Variants in IMPG1 observed in about 807,000 individuals in gnomAD.
The protein encoded by IMPG1 is interphotoreceptor matrix proteoglycan 1.
Under a neutral mutation model 92.0 loss-of-function variants are expected in IMPG1, and 85 were observed. The ratio of observed to expected loss-of-function variants is 0.92; its 90% CI spans 0.78 to 1.11. IMPG1 has a LOEUF of 1.11. Among genes scored for constraint, IMPG1 ranks in the 50% least tolerant of loss-of-function variants. The pLI, the probability that IMPG1 is intolerant of heterozygous loss-of-function variation, is 0.00. For synonymous variants in IMPG1, 367 were observed against 334.1 expected, an observed-to-expected ratio of 1.10 and a Z score of -1.08; for missense variants, 1,022 against 956.0, an observed-to-expected ratio of 1.07 and a Z score of -0.91.
chr6:75,972,641 T>C (rs1782442749), intron 12 of IMPG1, among the ~76,000 whole-genome samples: 1 of 152,220 alleles, frequency 6.6e-6, no homozygotes, highest in African/African-American at 2.4e-5. Flanking sequence ...TTTAATAGTC[T>C]GAATAAAACT....
chr6:76,056,848 C>A (rs1457245868), intron 1 of IMPG1, among the ~76,000 whole-genome samples: 6 of 151,976 alleles, frequency 3.9e-5, no homozygotes, highest in Admixed American at 3.9e-4. Context: ...GTCCTTTGCC[C>A]ATTTAAAAAT....
intron 15 of IMPG1, 61 bp from the exon 16 acceptor site, chr6:75,923,767 C>T: frequency 1.2e-6 from 1 of 867,114 alleles, no homozygotes; most frequent in Non-Finnish European, 1.9e-6. Flanking sequence ...TTAATAGTAA[C>T]TACATCTTTC....
chr6:76,021,824 AAGGTTTTGTT>A (rs2149483602), intron 6 of IMPG1, among the ~76,000 whole-genome samples: 1 of 69,860 alleles, frequency 1.4e-5, no homozygotes, highest in South Asian at 5.5e-4. Flanking sequence ...ATATATATAT[AAGGTTTTGTT>A]AGGTGCTGGG....
intron 12 of IMPG1, among the ~76,000 whole-genome samples, chr6:75,999,109 G>T (rs558244243): frequency 2.0e-5 from 3 of 151,986 alleles, no homozygotes. Flanking sequence ...TGCCTGCCTC[G>T]GCCTCCCAAA....
intron 15 of IMPG1, among the ~76,000 whole-genome samples, chr6:75,930,671 G>A (rs549627420): frequency 7.9e-5 from 12 of 152,138 alleles, no homozygotes; most frequent in Non-Finnish European, 1.5e-4. Context: ...TGGTCTTAAG[G>A]AACCCTTGCC....
At chr6:76,057,015 A>G (rs1181441397) in intron 1 of IMPG1, among the ~76,000 whole-genome samples, 1 of 152,158 alleles carries the variant, frequency 6.6e-6, no homozygotes, top group East Asian at 1.9e-4. Context: ...TAGAGCTAGA[A>G]TCCATTATCC....
At chr6:76,024,133 C>T (rs766115253) in intron 5 of IMPG1, among the ~76,000 whole-genome samples, 1 of 152,034 alleles carries the variant, frequency 6.6e-6, no homozygotes, top group Non-Finnish European at 1.5e-5. Context: ...CTATTATTAG[C>T]TACAAGTCAG....
intron 1 of IMPG1, among the ~76,000 whole-genome samples, chr6:76,060,913 A>C (rs1370788861): frequency 6.6e-6 from 1 of 152,170 alleles, no homozygotes; most frequent in Non-Finnish European, 1.5e-5. Context: ...CCTAGAGACT[A>C]CTGTGAAAAA....
chr6:75,957,605 A>G (rs1393243121), intron 12 of IMPG1, among the ~76,000 whole-genome samples: 1 of 152,154 alleles, frequency 6.6e-6, no homozygotes, highest in African/African-American at 2.4e-5. Context: ...TTGGGTGCAT[A>G]TATATTTAGG....
chr6:76,014,065 A>G (rs1783239458), intron 7 of IMPG1, among the ~76,000 whole-genome samples: 1 of 152,224 alleles, frequency 6.6e-6, no homozygotes, highest in Non-Finnish European at 1.5e-5. Context: ...TGGTTCTGCT[A>G]CTTTCTAGCT....
chr6:76,024,646 T>G (rs1023498425), intron 5 of IMPG1, among the ~76,000 whole-genome samples: 21 of 145,450 alleles, frequency 1.4e-4, no homozygotes, highest in Admixed American at 5.6e-4. Context: ...AAATCCATAG[T>G]GTTTGACTTA....
chr6:75,976,428 G>T (rs2149467850), intron 12 of IMPG1, among the ~76,000 whole-genome samples: 1 of 152,300 alleles, frequency 6.6e-6, no homozygotes. Context: ...CAGATGTGGT[G>T]GCGCATGCCT....
At chr6:76,069,372 ATGGG>A in intron 1 of IMPG1, among the ~76,000 whole-genome samples, 1 of 152,188 alleles carries the variant, frequency 6.6e-6, no homozygotes, top group African/African-American at 2.4e-5. Flanking sequence ...AAACAGACAA[ATGGG>A]ACTTAATTAA....
Position 75,989,118 on chromosome 6 carries a change from T to C in IMPG1, c.1291+13800A>G, listed in dbSNP as rs140687727. 2.1e-3 allele frequency among the ~76,000 whole-genome samples: 324 copies of C among 152,296 alleles called. 1 individual carries two copies. Among genetic ancestry groups the C allele is most frequent in the African/African-American group, 7.2e-3 (298 of 41,558 alleles). ...GTTTTTCCTTTTTAGAAACAAGGTC[T>C]CACACTGTTGCCCAGGCTGGAGTGC... On this transcript the variant is annotated intron_variant, in intron 12 of 16. Coordinates refer to ENST00000369950, the MANE Select transcript of IMPG1 (RefSeq NM_001563.4).
chr6:75,945,355 T>C (rs1219505604), intron 14 of IMPG1, among the ~76,000 whole-genome samples: 1 of 147,432 alleles, frequency 6.8e-6, no homozygotes, highest in African/African-American at 2.5e-5. Flanking sequence ...CTTTTTTTTT[T>C]TTCTTTTTTT....
At chr6:75,941,497 T>G (rs566334120) in intron 14 of IMPG1, among the ~76,000 whole-genome samples, 4 of 152,360 alleles carry the variant, frequency 2.6e-5, no homozygotes, top group Non-Finnish European at 4.4e-5. Context: ...AATGGTTAAC[T>G]TTTAATTAGT....
rs189992858 is a variant in IMPG1, at chr6:75,934,795, C to G, written c.2045-3644G>C. The G allele has an allele frequency of 5.1e-3, 1,670 of 327,320 alleles. 24 individuals carry two copies. Among genetic ancestry groups the G allele is most frequent in the African/African-American group, 0.031 (1,473 of 46,824 alleles). 20.3% of individuals were successfully genotyped at this position (327,320 alleles called of 1,614,324 possible). A position where few individuals can be genotyped will look rare whatever the true frequency, so the allele number is the denominator to read the frequency against. ...AAGATCGTGCCCTCCGCTACACCCC[C>G]CTTCCCGTCCCGCCCCTCAACCTTG... On this transcript the variant is annotated intron_variant, in intron 14 of 16. Transcript: ENST00000369950.
At chr6:75,965,535 T>A (rs1426878596) in intron 12 of IMPG1, among the ~76,000 whole-genome samples, 3 of 152,032 alleles carry the variant, frequency 2.0e-5, no homozygotes, top group Non-Finnish European at 1.5e-5. Context: ...TGTCCATTCT[T>A]ATCTTTTGCT....
At chr6:75,971,078 A>T (rs532104459) in intron 12 of IMPG1, among the ~76,000 whole-genome samples, 1 of 152,240 alleles carries the variant, frequency 6.6e-6, no homozygotes, top group South Asian at 2.1e-4. Flanking sequence ...CAAATGTCCA[A>T]CAATGATAGA....
Sources: gnomAD v4.1 joint callset for allele counts (sites outside exome capture counted in the v4.1 genomes callset) on GRCh38, gnomAD v4.1.1 for gene constraint, MANE v1.5 for transcripts, NCBI Gene and HGNC (gene_info 2026-07-23, HGNC 2026-07-21) for gene names.